TMPRSS15: variants seen among roughly 807,000 people sequenced by gnomAD.
TMPRSS15 encodes transmembrane serine protease 15.
Under a neutral mutation model 125.3 loss-of-function variants are expected in TMPRSS15, and 128 were observed. That is an observed-to-expected ratio of 1.02 (90% CI 0.89 to 1.18). The LOEUF (loss-of-function observed/expected upper bound fraction) is 1.18, where lower values mean the gene tolerates loss of function less well. TMPRSS15 is among the 50% of genes most tolerant of loss of function. The pLI, the probability that TMPRSS15 is intolerant of heterozygous loss-of-function variation, is 0.00. For missense variants in TMPRSS15, 1,283 were observed against 1,212.7 expected, an observed-to-expected ratio of 1.06 and a Z score of -0.86; for synonymous variants, 446 against 423.2, an observed-to-expected ratio of 1.05 and a Z score of -0.66.
At chr21:18,357,633 A>G (rs1003087563) in intron 8 of TMPRSS15, among the ~76,000 whole-genome samples, 1 of 151,854 alleles carries the variant, frequency 6.6e-6, no homozygotes, top group African/African-American at 2.4e-5. Context: ...GAAATTGCTA[A>G]AACATTTAGG....
chr21:18,479,498 C>T (rs1445352042), intron 1 of TMPRSS15, among the ~76,000 whole-genome samples: 1 of 151,810 alleles, frequency 6.6e-6, no homozygotes, highest in Non-Finnish European at 1.5e-5. Context: ...CTTTCATAGT[C>T]AATTCCAGCC....
At chr21:18,408,891 T>A (rs2076158904) in intron 1 of TMPRSS15, among the ~76,000 whole-genome samples, 1 of 152,142 alleles carries the variant, frequency 6.6e-6, no homozygotes, top group African/African-American at 2.4e-5. Context: ...TACTGAATAT[T>A]GAACTAGTCC....
At chr21:18,357,619 T>TA (rs1241516207) in intron 8 of TMPRSS15, among the ~76,000 whole-genome samples, 2 of 151,846 alleles carry the variant, frequency 1.3e-5, no homozygotes, top group Non-Finnish European at 3.0e-5. Context: ...ATCTTTCACA[T>TA]AAAGAAATTG....
At chr21:18,440,807 C>T (rs1214069530) in intron 1 of TMPRSS15, among the ~76,000 whole-genome samples, 2 of 152,086 alleles carry the variant, frequency 1.3e-5, no homozygotes, top group Admixed American at 6.6e-5. Context: ...TCTTTTATAA[C>T]ATTCTTTAAA....
chr21:18,418,348 G>A (rs1014844330), intron 1 of TMPRSS15, among the ~76,000 whole-genome samples: 1 of 152,144 alleles, frequency 6.6e-6, no homozygotes, highest in Non-Finnish European at 1.5e-5. Context: ...CTGTTGTAGC[G>A]ATGGCTAAGT....
chr21:18,309,018 G>A (rs1043633945), intron 18 of TMPRSS15, among the ~76,000 whole-genome samples: 1 of 152,296 alleles, frequency 6.6e-6, no homozygotes, highest in African/African-American at 2.4e-5. Flanking sequence ...TTGGTTTCAA[G>A]TCTTTGCTGT....
Position 18,449,309 on chromosome 21 carries a change from G to A in TMPRSS15, c.10+36490C>T, listed in dbSNP as rs76134002. On this transcript the variant is annotated intron_variant, in intron 1 of 7. Transcript: ENST00000422787. ...TAATGCATATAGTATGCTGTGAGAT[G>A]GTGATCTTAAGTTTATTTCATAGAT... Among the ~76,000 whole-genome samples, 446 of 152,112 alleles carry A rather than the reference G, an allele frequency of 2.9e-3. 3 individuals carry two copies. Among genetic ancestry groups the A allele is most frequent in the African/African-American group, 0.01 (424 of 41,492 alleles).
chr21:18,367,567 T>C (rs2075750347), intron 6 of TMPRSS15, among the ~76,000 whole-genome samples: 2 of 152,176 alleles, frequency 1.3e-5, no homozygotes, highest in Non-Finnish European at 1.5e-5. Context: ...AGAAATAACA[T>C]GGACTCAAAG....
rs546225358 is a variant in TMPRSS15, at chr21:18,317,628, A to G, written c.1922-2372T>C. On this transcript the variant is annotated intron_variant, in intron 16 of 24. Coordinates refer to ENST00000284885, the MANE Select transcript of TMPRSS15 (RefSeq NM_002772.3). ...ATGGGACTAGTGTAAGGGCTTTCAG[A>G]TTTTTTAAAACTCTGACATTAGTAT... Among the ~76,000 whole-genome samples the G allele has an allele frequency of 5.9e-5, 9 of 152,254 alleles. 1 individual carries two copies. In the South Asian group the frequency reaches 1.7e-3, roughly 28 times the overall value.
At chr21:18,338,999 AT>A (rs902049102) in intron 13 of TMPRSS15, among the ~76,000 whole-genome samples, 28 of 144,980 alleles carry the variant, frequency 1.9e-4, no homozygotes, top group Non-Finnish European at 2.6e-4. Flanking sequence ...TTCTGCTCAC[AT>A]TTTTTTTTTC....
chr21:18,322,029 A>T (rs1601332471), intron 16 of TMPRSS15, among the ~76,000 whole-genome samples: 1 of 152,354 alleles, frequency 6.6e-6, no homozygotes, highest in South Asian at 2.1e-4. Flanking sequence ...AGTATAAATG[A>T]AATCTAGCTA....
At chr21:18,352,751 C>T (rs1454548352) in intron 10 of TMPRSS15, 152 bp downstream of exon 10, 2 of 775,018 alleles carry the variant, frequency 2.6e-6, no homozygotes, top group East Asian at 5.2e-5. Flanking sequence ...TGTTTGATTA[C>T]CATTTTTCAT....
chr21:18,328,906 T>C lies in TMPRSS15; in HGVS notation c.1780+263A>G, dbSNP rs145520015. ...ATCCCATAAATACACACACCTACTA[T>C]GTACCCATGAAAATTAAGAACAAAT... is the stretch of plus-strand genomic sequence containing the variant. On this transcript the variant is annotated intron_variant, in intron 15 of 24. Coordinates refer to ENST00000284885, the MANE Select transcript of TMPRSS15 (RefSeq NM_002772.3). 7.3e-3 allele frequency among the ~76,000 whole-genome samples: 1,108 copies of C among 152,290 alleles called. 15 individuals carry two copies. The highest frequency in any genetic ancestry group is 0.025 in the African/African-American group (1,050 of 41,560).
chr21:18,271,373 T>TTTAA (rs1568972817), intron 24 of TMPRSS15, among the ~76,000 whole-genome samples: 1 of 152,170 alleles, frequency 6.6e-6, no homozygotes, highest in Non-Finnish European at 1.5e-5. Context: ...TCTAAAACAA[T>TTTAA]TTAATTTTTT....
chr21:18,271,168 G>GTGTT (rs1470224263), intron 24 of TMPRSS15, among the ~76,000 whole-genome samples: 2 of 152,170 alleles, frequency 1.3e-5, no homozygotes, highest in Admixed American at 6.5e-5. Context: ...TGTGTGCAAG[G>GTGTT]TGTTTGAAAG....
At chr21:18,356,400 C>A (rs1373729307) in intron 8 of TMPRSS15, among the ~76,000 whole-genome samples, 1 of 151,592 alleles carries the variant, frequency 6.6e-6, no homozygotes, top group Non-Finnish European at 1.5e-5. Context: ...TTAGTGAGTG[C>A]CCACTATGAA....
intron 1 of TMPRSS15, among the ~76,000 whole-genome samples, chr21:18,474,944 A>G (rs1199439460): frequency 1.3e-5 from 2 of 152,146 alleles, no homozygotes; most frequent in African/African-American, 4.8e-5. Flanking sequence ...CCCCACAGAC[A>G]TTTACTTCAT....
rs937100159 is a variant in TMPRSS15, at chr21:18,332,493, C to T, written c.1565-320G>A. On this transcript the variant is annotated intron_variant, in intron 13 of 24. Transcript: ENST00000284885. ...ATTCTTTTTCTTATAAATTTAAGTT[C>T]TTTATAGAAGCTGGATATTGGATCT... Among the ~76,000 whole-genome samples the T allele has an allele frequency of 7.9e-5, 12 of 151,964 alleles. No homozygotes were observed. In the South Asian group the frequency reaches 2.5e-3, roughly 32 times the overall value.
intron 1 of TMPRSS15, among the ~76,000 whole-genome samples, chr21:18,453,827 G>A (rs1978386259): frequency 6.6e-6 from 1 of 152,130 alleles, no homozygotes; most frequent in African/African-American, 2.4e-5. Flanking sequence ...AAAAGAGAAG[G>A]AAATCCTGCC....
Sources: allele counts gnomAD v4.1 joint callset (sites outside exome capture counted in the v4.1 genomes callset), GRCh38; gene constraint gnomAD v4.1.1; transcripts MANE v1.5; gene names NCBI Gene and HGNC (gene_info 2026-07-23, HGNC 2026-07-21).